ZNF385D: variants seen among roughly 807,000 people sequenced by gnomAD.
The protein encoded by ZNF385D is zinc finger protein 385D, also known as zinc finger protein 659.
Under a neutral mutation model 35.8 loss-of-function variants are expected in ZNF385D, and 15 were observed. The observed-to-expected ratio is 0.42, with a 90% confidence interval of 0.28 to 0.64. The LOEUF (loss-of-function observed/expected upper bound fraction) is 0.64, where lower values mean the gene tolerates loss of function less well. ZNF385D is among the 30% of genes least tolerant of loss of function. The pLI, the probability that ZNF385D is intolerant of heterozygous loss-of-function variation, is 0.23. For synonymous variants in ZNF385D, 212 were observed against 186.8 expected, an observed-to-expected ratio of 1.13 and a Z score of -1.10; for missense variants, 474 against 494.6, an observed-to-expected ratio of 0.96 and a Z score of 0.39.
chr3:21,942,863 TA>T (rs34920189), intron 3 of ZNF385D, among the ~76,000 whole-genome samples: 1 of 152,158 alleles, frequency 6.6e-6, no homozygotes, highest in African/African-American at 2.4e-5. Flanking sequence ...GTAACATATC[TA>T]AAAAACATAG....
At chr3:22,181,036 T>C (rs566289802) in intron 2 of ZNF385D, among the ~76,000 whole-genome samples, 298 of 151,974 alleles carry the variant, frequency 2.0e-3, no homozygotes, top group African/African-American at 6.8e-3. Flanking sequence ...TTTAATACTT[T>C]GGTGATTTCA....
At chr3:21,851,217 C>G (rs1460868066) in intron 3 of ZNF385D, among the ~76,000 whole-genome samples, 1 of 151,864 alleles carries the variant, frequency 6.6e-6, no homozygotes, top group Non-Finnish European at 1.5e-5. Context: ...ACTAGATGGC[C>G]TTGATAGCTG....
At chr3:22,150,787 A>C (rs760116098) in intron 3 of ZNF385D, among the ~76,000 whole-genome samples, 1 of 152,178 alleles carries the variant, frequency 6.6e-6, no homozygotes, top group Non-Finnish European at 1.5e-5. Context: ...GCTTTAGCTT[A>C]ATCTGATGTA....
At chr3:21,704,683 T>C (rs2067833014) in intron 1 of ZNF385D, among the ~76,000 whole-genome samples, 2 of 151,970 alleles carry the variant, frequency 1.3e-5, no homozygotes, top group Admixed American at 1.3e-4. Context: ...TAGGATATTA[T>C]TTCCTGATTC....
intron 1 of ZNF385D, among the ~76,000 whole-genome samples, chr3:21,680,347 AGTTCTT>A: frequency 6.6e-6 from 1 of 152,270 alleles, no homozygotes; most frequent in Middle Eastern, 3.4e-3. Flanking sequence ...ACTTTTTTTA[AGTTCTT>A]GTTCTTGCCG....
chr3:22,363,668 T>C (rs1183945679), intron 2 of ZNF385D, among the ~76,000 whole-genome samples: 2 of 152,168 alleles, frequency 1.3e-5, no homozygotes, highest in African/African-American at 2.4e-5. Flanking sequence ...TAAAAACTTA[T>C]GGTTAAATTG....
chr3:21,988,885 A>G (rs568299651), intron 3 of ZNF385D, among the ~76,000 whole-genome samples: 1 of 152,120 alleles, frequency 6.6e-6, no homozygotes, highest in African/African-American at 2.4e-5. Flanking sequence ...GCCGTTTTTT[A>G]AGCCGGTCTG....
intron 3 of ZNF385D, among the ~76,000 whole-genome samples, chr3:21,905,837 C>T (rs1263252025): frequency 6.6e-6 from 1 of 152,010 alleles, no homozygotes; most frequent in East Asian, 1.9e-4. Flanking sequence ...ATGTACCTGA[C>T]AATTATTTTA....
chr3:21,922,729 G>A (rs574809877), intron 3 of ZNF385D, among the ~76,000 whole-genome samples: 1 of 152,236 alleles, frequency 6.6e-6, no homozygotes, highest in African/African-American at 2.4e-5. Flanking sequence ...TCTGCTGTGG[G>A]AAGGAATTTA....
chr3:21,738,774 A>G (rs2069369011), intron 1 of ZNF385D, among the ~76,000 whole-genome samples: 1 of 152,192 alleles, frequency 6.6e-6, no homozygotes. Flanking sequence ...TAGAGACAAA[A>G]ATCTCCCAAT....
At chr3:21,628,647 G>A (rs1465090049) in intron 2 of ZNF385D, among the ~76,000 whole-genome samples, 1 of 152,090 alleles carries the variant, frequency 6.6e-6, no homozygotes, top group East Asian at 1.9e-4. Flanking sequence ...CTGGCTGCCA[G>A]CAGTGGAATA....
At chr3:21,638,164 A>C (rs565729363) in intron 2 of ZNF385D, among the ~76,000 whole-genome samples, 31 of 152,256 alleles carry the variant, frequency 2.0e-4, no homozygotes, top group African/African-American at 7.5e-4. Flanking sequence ...GACAACATTT[A>C]GGAAAATACA....
chr3:21,887,141 G>C (rs1248174185), intron 3 of ZNF385D, among the ~76,000 whole-genome samples: 1 of 152,102 alleles, frequency 6.6e-6, no homozygotes, highest in African/African-American at 2.4e-5. Flanking sequence ...TTTTACCTTT[G>C]AGAAATTTGT....
intron 2 of ZNF385D, among the ~76,000 whole-genome samples, chr3:21,570,468 C>T (rs1391101894): frequency 6.6e-6 from 1 of 152,202 alleles, no homozygotes; most frequent in African/African-American, 2.4e-5. Flanking sequence ...CCTCTTCTGT[C>T]TGTGTTCCTA....
chr3:21,426,257 C>A (rs768320882), intron 5 of ZNF385D, among the ~76,000 whole-genome samples: 4 of 152,208 alleles, frequency 2.6e-5, no homozygotes, highest in Non-Finnish European at 5.9e-5. Flanking sequence ...AAAAACAAAT[C>A]CATATTAGAA....
At chr3:22,024,776 G>A (rs553570738) in intron 3 of ZNF385D, among the ~76,000 whole-genome samples, 13 of 152,164 alleles carry the variant, frequency 8.5e-5, no homozygotes, top group African/African-American at 1.4e-4. Flanking sequence ...ACCAAGGAAC[G>A]TAACGAAGCT....
intron 3 of ZNF385D, among the ~76,000 whole-genome samples, chr3:22,121,765 C>T (rs142722387): frequency 3.3e-4 from 50 of 151,116 alleles, no homozygotes; most frequent in African/African-American, 1.0e-3. Flanking sequence ...CTTTCCCTTT[C>T]TCTTGGGTTT....
chr3:21,963,430 C>A (rs753086600), intron 3 of ZNF385D, among the ~76,000 whole-genome samples: 11 of 152,012 alleles, frequency 7.2e-5, no homozygotes, highest in African/African-American at 2.4e-4. Flanking sequence ...GGAAAGAGTT[C>A]GCATCTTACT....
intron 3 of ZNF385D, among the ~76,000 whole-genome samples, chr3:21,998,975 A>G (rs1695665723): frequency 6.6e-6 from 1 of 152,100 alleles, no homozygotes; most frequent in Non-Finnish European, 1.5e-5. Context: ...GAGGTTATCA[A>G]TTACTGGCAT....
Sources: gnomAD v4.1 joint callset for allele counts (sites outside exome capture counted in the v4.1 genomes callset) on GRCh38, gnomAD v4.1.1 for gene constraint, MANE v1.5 for transcripts, NCBI Gene and HGNC (gene_info 2026-07-23, HGNC 2026-07-21) for gene names.